The following CSMD1 variants were observed in gnomAD, a reference collection of about 807,000 sequenced individuals.
CSMD1 encodes CUB and sushi domain-containing protein 1.
CSMD1 carries 213 observed loss-of-function variants against 417.5 expected under a neutral mutation model. The ratio of observed to expected loss-of-function variants is 0.51; its 90% CI spans 0.46 to 0.57. The LOEUF (loss-of-function observed/expected upper bound fraction) is 0.57, where lower values mean the gene tolerates loss of function less well. CSMD1 is among the 20% of genes least tolerant of loss of function. The pLI is 0.00. For missense variants in CSMD1, 6,923 were observed against 4,529.7 expected (o/e 1.53, Z -15.17); for synonymous variants, 2,862 against 1,736.8 (o/e 1.65, Z -16.11).
rs148079745 is a variant in CSMD1, at chr8:4,779,443, A to G, written c.86-141885T>C. On this transcript the variant is annotated intron_variant, in intron 1 of 69. Transcript: ENST00000635120. ...CCCTGTGAAAGAGAAAACTCACCAC[A>G]ATGTATATTTAATGAAGCTCATTAA... 2.4e-3 allele frequency among the ~76,000 whole-genome samples: 360 copies of G among 152,268 alleles called. 1 individual carries two copies. The highest frequency in any genetic ancestry group is 8.6e-3 in the African/African-American group (359 of 41,562).
At chr8:3,411,460 C>G (rs571099953) in intron 12 of CSMD1, among the ~76,000 whole-genome samples, 1 of 151,770 alleles carries the variant, frequency 6.6e-6, no homozygotes. Context: ...ACCCTTTCCC[C>G]GAGTCCCCAA....
chr8:4,046,083 C>T (rs1349101579), intron 3 of CSMD1, among the ~76,000 whole-genome samples: 2 of 152,020 alleles, frequency 1.3e-5, no homozygotes, highest in African/African-American at 4.8e-5. Flanking sequence ...TATATACACA[C>T]ATTATATAAC....
intron 3 of CSMD1, among the ~76,000 whole-genome samples, chr8:4,274,851 T>C (rs1453907612): frequency 1.3e-5 from 2 of 152,120 alleles, no homozygotes; most frequent in Non-Finnish European, 2.9e-5. Context: ...TTGTACTGCT[T>C]TTATTTTTTC....
chr8:3,791,748 G>A (rs1470637218), intron 5 of CSMD1, among the ~76,000 whole-genome samples: 1 of 152,108 alleles, frequency 6.6e-6, no homozygotes, highest in Non-Finnish European at 1.5e-5. Context: ...GCTTGAGCCT[G>A]GGAGGTGGAA....
intron 5 of CSMD1, among the ~76,000 whole-genome samples, chr8:3,897,484 A>G (rs1453125495): frequency 6.6e-6 from 1 of 152,182 alleles, no homozygotes; most frequent in African/African-American, 2.4e-5. Context: ...ATTTTTATTT[A>G]TGATCTTAAA....
chr8:3,757,894 G>A (rs113741880), intron 5 of CSMD1, among the ~76,000 whole-genome samples: 8,769 of 151,794 alleles, frequency 0.058, 894 homozygotes, highest in African/African-American at 0.2. Context: ...CAAAAACACC[G>A]AGCTGGAAGA....
intron 5 of CSMD1, among the ~76,000 whole-genome samples, chr8:3,888,699 G>A (rs1806734956): frequency 6.6e-6 from 1 of 152,168 alleles, no homozygotes; most frequent in Non-Finnish European, 1.5e-5. Flanking sequence ...CCGGGACAGA[G>A]ATGGTGCTGC....
At chr8:4,974,080 G>T (rs1168689102) in intron 1 of CSMD1, among the ~76,000 whole-genome samples, 2 of 152,228 alleles carry the variant, frequency 1.3e-5, no homozygotes, top group East Asian at 1.9e-4. Flanking sequence ...GAGAGTAGTG[G>T]TGCGATCTTG....
intron 1 of CSMD1, among the ~76,000 whole-genome samples, chr8:4,729,698 T>G (rs1809721501): frequency 6.6e-6 from 1 of 152,202 alleles, no homozygotes; most frequent in Non-Finnish European, 1.5e-5. Flanking sequence ...AAAGTTCCAG[T>G]GGCTTTTCAA....
At chr8:4,836,623 T>A (rs1563543390) in intron 1 of CSMD1, among the ~76,000 whole-genome samples, 1 of 152,258 alleles carries the variant, frequency 6.6e-6, no homozygotes, top group East Asian at 1.9e-4. Context: ...CTGCTTTTGT[T>A]CTTACTCTTA....
At chr8:3,302,668 A>G (rs1156812155) in intron 25 of CSMD1, among the ~76,000 whole-genome samples, 1 of 152,226 alleles carries the variant, frequency 6.6e-6, no homozygotes, top group Non-Finnish European at 1.5e-5. Flanking sequence ...AGCAGTCACC[A>G]GCAGATGTTG....
chr8:3,693,816 TTTG>T (rs1176635965), intron 7 of CSMD1, among the ~76,000 whole-genome samples: 1 of 151,008 alleles, frequency 6.6e-6, no homozygotes, highest in Non-Finnish European at 1.5e-5. Context: ...GTGTGTTGTG[TTTG>T]TTATGGTGTG....
intron 3 of CSMD1, among the ~76,000 whole-genome samples, chr8:4,048,111 C>G (rs556854936): frequency 6.6e-6 from 1 of 152,222 alleles, no homozygotes; most frequent in East Asian, 1.9e-4. Flanking sequence ...TAGACCCCGA[C>G]TGATTTCTAA....
At chr8:3,260,595 G>A (rs996204954) in intron 26 of CSMD1, among the ~76,000 whole-genome samples, 1 of 150,708 alleles carries the variant, frequency 6.6e-6, no homozygotes, top group Non-Finnish European at 1.5e-5. Context: ...CCCCCTCGAA[G>A]AGCAGAGGCT....
At chr8:3,819,693 C>A (rs747074830) in intron 5 of CSMD1, among the ~76,000 whole-genome samples, 2 of 152,112 alleles carry the variant, frequency 1.3e-5, no homozygotes, top group African/African-American at 2.4e-5. Flanking sequence ...CTTAGGTGAT[C>A]CTCCAATCTC....
chr8:4,793,382 T>C (rs575941573), intron 1 of CSMD1, among the ~76,000 whole-genome samples: 5 of 152,186 alleles, frequency 3.3e-5, no homozygotes, highest in Admixed American at 6.5e-5. Context: ...ATAGAATAAA[T>C]TTTGTTTCAA....
rs556066827 is a variant in CSMD1 at position 3,992,767 on chromosome 8, G to A, written c.818+5136C>T. ...CTGTACTCCACACTGGGTGACAGAA[G>A]GAGACCCAGTACTAACATTAAAAAA... On this transcript the variant is annotated intron_variant, in intron 5 of 69. Coordinates refer to ENST00000635120, the MANE Select transcript of CSMD1 (RefSeq NM_033225.6). Among the ~76,000 whole-genome samples, 287 of 152,326 alleles carry A rather than the reference G, an allele frequency of 1.9e-3. 1 individual carries two copies. The highest frequency in any genetic ancestry group is 3.6e-3 in the Non-Finnish European group (244 of 68,038).
chr8:3,638,521 G>C (rs1338009719), intron 7 of CSMD1, among the ~76,000 whole-genome samples: 1 of 152,026 alleles, frequency 6.6e-6, no homozygotes, highest in Non-Finnish European at 1.5e-5. Flanking sequence ...AAATATATTT[G>C]GTAATTCAGG....
intron 5 of CSMD1, among the ~76,000 whole-genome samples, chr8:3,846,370 T>A (rs1436860027): frequency 6.6e-6 from 1 of 152,210 alleles, no homozygotes; most frequent in African/African-American, 2.4e-5. Context: ...AATGTCTTTA[T>A]GTGGTGCATG....
Sources: gnomAD v4.1 joint callset for allele counts (sites outside exome capture counted in the v4.1 genomes callset) on GRCh38, gnomAD v4.1.1 for gene constraint, MANE v1.5 for transcripts, NCBI Gene and HGNC (gene_info 2026-07-23, HGNC 2026-07-21) for gene names.